The following DCBLD2 variants were observed in gnomAD, a reference collection of about 807,000 sequenced individuals.
DCBLD2 encodes discoidin, CUB and LCCL domain containing 2.
DCBLD2 carries 54 observed loss-of-function variants against 86.8 expected under a neutral mutation model. That is an observed-to-expected ratio of 0.62 (90% CI 0.50 to 0.78). The LOEUF is 0.78. DCBLD2 is among the 30% of genes least tolerant of loss of function. The probability of loss-of-function intolerance (pLI) is 0.00; values close to 1 mark genes in which losing one functional copy is unlikely to be tolerated. For synonymous variants in DCBLD2, 354 were observed against 341.3 expected (o/e 1.04, Z -0.41); for missense variants, 908 against 954.2 (o/e 0.95, Z 0.64).
chr3:98,893,676 A>G (rs1402095112), intron 1 of DCBLD2, among the ~76,000 whole-genome samples: 1 of 152,224 alleles, frequency 6.6e-6, no homozygotes, highest in African/African-American at 2.4e-5. Context: ...ATGAAAAAAG[A>G]GATATGTAAA....
chr3:98,869,120 T>C (rs1041623634), intron 2 of DCBLD2, among the ~76,000 whole-genome samples: 3 of 152,166 alleles, frequency 2.0e-5, no homozygotes, highest in Non-Finnish European at 4.4e-5. Flanking sequence ...CAACATCTAT[T>C]GTTTTTTGAC....
intron 2 of DCBLD2, among the ~76,000 whole-genome samples, chr3:98,876,062 T>A (rs1943362793): frequency 6.6e-6 from 1 of 152,092 alleles, no homozygotes; most frequent in Non-Finnish European, 1.5e-5. Context: ...TAACTATAAA[T>A]ACATTTTTAA....
intron 3 of DCBLD2, among the ~76,000 whole-genome samples, chr3:98,835,840 C>T (rs745664979): frequency 2.0e-5 from 3 of 151,768 alleles, no homozygotes; most frequent in East Asian, 3.9e-4. Context: ...TGAGCCACCA[C>T]GCCTGGCCAC....
intron 3 of DCBLD2, among the ~76,000 whole-genome samples, chr3:98,841,887 C>T (rs564834879): frequency 6.6e-6 from 1 of 152,138 alleles, no homozygotes; most frequent in African/African-American, 2.4e-5. Context: ...ACAGTGAAAC[C>T]CCGTCTCTAC....
intron 14 of DCBLD2, 190 bp downstream of exon 14, chr3:98,801,410 T>G (rs1042597963): frequency 4.4e-6 from 2 of 457,070 alleles, no homozygotes; most frequent in Non-Finnish European, 3.9e-6. Context: ...TACTTTTCAT[T>G]TCATTACTTA....
At chr3:98,808,600 G>A (rs933219748) in intron 12 of DCBLD2, among the ~76,000 whole-genome samples, 1 of 152,090 alleles carries the variant, frequency 6.6e-6, no homozygotes, top group African/African-American at 2.4e-5. Flanking sequence ...CATTAAATAT[G>A]TTAACTTCAC....
intron 2 of DCBLD2, among the ~76,000 whole-genome samples, chr3:98,867,210 G>A (rs1576191932): frequency 6.6e-6 from 1 of 152,266 alleles, no homozygotes; most frequent in African/African-American, 2.4e-5. Flanking sequence ...GGTTCCATAT[G>A]AACTTTAAAG....
intron 3 of DCBLD2, among the ~76,000 whole-genome samples, chr3:98,826,556 G>A (rs1942224968): frequency 6.6e-6 from 1 of 152,202 alleles, no homozygotes; most frequent in Admixed American, 6.5e-5. Context: ...AATGTGTTAT[G>A]TTAATATGTA....
chr3:98,901,130 G>C lies in DCBLD2; in HGVS notation c.197C>G (p.Ala66Gly), dbSNP rs202016309. ...CCCCTGGGACCACTCACCTTGCTGG[G>C]CTCCAGCGTCCTCGAGCAGCAGGAG... is the stretch of plus-strand genomic sequence containing the variant. ...VLLLLLEDAGAQQGDGCGHTV... is the reference protein window; with the variant it reads ...VLLLLLEDAGGQQGDGCGHTV... The change falls in exon 1 of 16, where the codon GCC becomes GGC. Residue 66 changes from alanine (A) to glycine (G), a missense_variant. Around this residue, in one of 3 missense-constraint regions of DCBLD2, gnomAD observed 294 missense variants for 256.0 expected, o/e 1.15. Coordinates refer to ENST00000326840, the MANE Select transcript of DCBLD2 (RefSeq NM_080927.4). 1,730 of 1,539,660 alleles carry C rather than the reference G, an allele frequency of 1.1e-3. 12 individuals carry two copies. The highest frequency in any genetic ancestry group is 9.1e-3 in the African/African-American group (664 of 73,152).
chr3:98,861,188 A>G (rs1576187576), intron 2 of DCBLD2, among the ~76,000 whole-genome samples: 1 of 152,218 alleles, frequency 6.6e-6, no homozygotes, highest in East Asian at 1.9e-4. Flanking sequence ...TCCTAAATAT[A>G]TATGCAGCCA....
chr3:98,894,230 T>C (rs1943712681), intron 1 of DCBLD2, among the ~76,000 whole-genome samples: 1 of 152,158 alleles, frequency 6.6e-6, no homozygotes, highest in Admixed American at 6.5e-5. Context: ...TGCCCCTCAA[T>C]GGGAAGTCCT....
At chr3:98,863,411 C>T (rs1338946898) in intron 2 of DCBLD2, among the ~76,000 whole-genome samples, 1 of 152,174 alleles carries the variant, frequency 6.6e-6, no homozygotes, top group Non-Finnish European at 1.5e-5. Context: ...CCAAGACAAT[C>T]CTAAGCCAAA....
intron 3 of DCBLD2, among the ~76,000 whole-genome samples, chr3:98,845,981 C>T (rs1401690104): frequency 6.6e-6 from 1 of 152,198 alleles, no homozygotes; most frequent in Non-Finnish European, 1.5e-5. Flanking sequence ...TTTCACCATA[C>T]TTTATTTCAT....
intron 2 of DCBLD2, among the ~76,000 whole-genome samples, chr3:98,868,129 A>C (rs987241996): frequency 1.3e-5 from 2 of 152,216 alleles, no homozygotes; most frequent in African/African-American, 4.8e-5. Flanking sequence ...TCCAAGATTT[A>C]AATACTATCA....
rs924679019 is a variant in DCBLD2 at position 98,799,402 on chromosome 3, C to T, written c.2298G>A (p.Gly766=). The stretch of plus-strand genomic sequence containing the variant: ...GGATTTCTTTAAAAACATCACATTC[C>T]CCATCCCTTCCTGCTCCTGATACTT... ...TQEVSGAGRD[G]ECDVFKEIL Residue 766 remains glycine (G), a synonymous_variant, in exon 16 of 16, where the codon GGG becomes GGA. Transcript: ENST00000326840. 1 of 1,612,226 alleles carries T rather than the reference C, an allele frequency of 6.2e-7. No homozygotes were observed. Among genetic ancestry groups the T allele is most frequent in the African/African-American group, 1.3e-5 (1 of 74,846 alleles).
At chr3:98,840,564 C>A (rs1942601986) in intron 3 of DCBLD2, among the ~76,000 whole-genome samples, 1 of 152,110 alleles carries the variant, frequency 6.6e-6, no homozygotes, top group African/African-American at 2.4e-5. Context: ...TGGCATGATC[C>A]TAGCTCACTG....
chr3:98,844,799 T>G (rs1241017055), intron 3 of DCBLD2, among the ~76,000 whole-genome samples: 1 of 152,214 alleles, frequency 6.6e-6, no homozygotes, highest in Non-Finnish European at 1.5e-5. Context: ...GTTGCCAGTA[T>G]AAAAGTCCAA....
intron 9 of DCBLD2, chr3:98,813,854 A>G (rs1342628400): frequency 6.6e-6 from 1 of 152,184 alleles, no homozygotes; most frequent in Non-Finnish European, 1.5e-5. Flanking sequence ...AGACAACCCT[A>G]TGAAATAGGA....
At position 98,798,116 on chromosome 3, in the gene DCBLD2, G is replaced by C. The variant is rs368943056; in HGVS notation, c.*1256C>G. On this transcript the variant is annotated 3_prime_UTR_variant, in exon 16 of 16. Coordinates refer to ENST00000326840, the MANE Select transcript of DCBLD2 (RefSeq NM_080927.4). Reference sequence around the variant, plus strand: ...GCTGCCAGGAGGTATCAAAAACAAGGCATGAATATTCATTTGCTAGTAAGC... The same window carrying C: ...GCTGCCAGGAGGTATCAAAAACAAGCCATGAATATTCATTTGCTAGTAAGC... 6.6e-5 allele frequency: 10 copies of C among 152,264 alleles called. No homozygotes were observed. Among genetic ancestry groups the C allele is most frequent in the East Asian group, 5.8e-4 (3 of 5,178 alleles). The allele number at this position is 152,264 out of a possible 1,614,324, so 9.4% of individuals were successfully genotyped here. A position where few individuals can be genotyped will look rare whatever the true frequency, so the allele number is the denominator to read the frequency against.
Sources: allele counts gnomAD v4.1 joint callset (sites outside exome capture counted in the v4.1 genomes callset), GRCh38; gene constraint gnomAD v4.1.1; regional missense constraint gnomAD v4.1.1; transcripts MANE v1.5; gene names NCBI Gene and HGNC (gene_info 2026-07-23, HGNC 2026-07-21).